Variants in SCNN1D observed in about 807,000 individuals in gnomAD.
The protein encoded by SCNN1D is sodium channel epithelial 1 subunit delta, also known as epithelial sodium channel subunit delta.
In SCNN1D, 104 loss-of-function variants were observed where a neutral mutation model predicts 87.8. The ratio of observed to expected loss-of-function variants is 1.18; its 90% confidence interval spans 1.01 to 1.39. SCNN1D has a LOEUF of 1.39. Among genes scored for constraint, SCNN1D ranks in the 40% most tolerant of loss-of-function variants. The pLI is 0.00. For missense variants in SCNN1D, 1,324 were observed against 1,093.9 expected (o/e 1.21, Z -2.97); for synonymous variants, 628 against 481.2 (o/e 1.31, Z -3.99).
rs113921179 is a variant in SCNN1D, at chr1:1,285,442, G to A, written c.465-129G>A. 3,953 of 613,746 alleles carry A rather than the reference G, an allele frequency of 6.4e-3. 125 individuals are homozygous for A. The African/African-American group carries it at 0.066, about 10-fold the overall frequency. The allele number at this position is 613,746 out of a possible 1,614,324, so 38.0% of individuals were successfully genotyped here. A position where few individuals can be genotyped will look rare whatever the true frequency, so the allele number is the denominator to read the frequency against. ...TTGGCTGGATGGGCCTGGCACAGTC[G>A]GTCCTCAGCAGGCCACACTGGGGGC... On this transcript the variant is annotated intron_variant, in intron 5 of 17. Transcript: ENST00000379116.
Position 1,286,580 on chromosome 1 carries a change from G to T in SCNN1D, c.912-188G>T, listed in dbSNP as rs369417686. Reference sequence around the variant, plus strand: ...AAGGAGGGAAGGTGGGAGGGGCTGCGAGCGGGCTGGGCTCCGGGGCCGACC... The same window carrying T: ...AAGGAGGGAAGGTGGGAGGGGCTGCTAGCGGGCTGGGCTCCGGGGCCGACC... On this transcript the variant is annotated intron_variant, in intron 7 of 17. Transcript: ENST00000379116. 9.9e-5 allele frequency among the ~76,000 whole-genome samples: 15 copies of T among 152,248 alleles called. No individual in the cohort carries two copies. In the East Asian group the frequency reaches 1.7e-3, roughly 18 times the overall value.
chr1:1,284,493 C>T (rs892083237), intron 5 of SCNN1D, among the ~76,000 whole-genome samples: 3 of 150,690 alleles, frequency 2.0e-5, no homozygotes, highest in Admixed American at 6.6e-5. Context: ...TGTCCCATTG[C>T]GGGTACATAG....
rs750240742 is a variant in SCNN1D, at chr1:1,285,591, C to T, written c.485C>T (p.Pro162Leu). 4 of 1,541,084 alleles carry T rather than the reference C, an allele frequency of 2.6e-6. No homozygotes were observed. Among genetic ancestry groups the T allele is most frequent in the Non-Finnish European group, 3.5e-6 (4 of 1,142,386 alleles). The change falls in exon 6 of 18, where the codon CCC becomes CTC. Residue 162 changes from proline to leucine, a missense_variant. Physicochemically the swap from Pro to Leu is moderately conservative, Grantham distance 98. Transcript: ENST00000379116. ...GGTAGATCGCCTGGGCCTGTGGCTC[C>T]CCAGAGGCCCTGCCACCTGAAGGGA... ...LTSRSPGPVA[P>L]QRPCHLKGWQ...
chr1:1,284,672 C>T (rs183144231), intron 5 of SCNN1D, among the ~76,000 whole-genome samples: 171 of 152,096 alleles, frequency 1.1e-3, no homozygotes, highest in African/African-American at 3.9e-3. Flanking sequence ...GGGTGCATAG[C>T]GTGTGCTGGA....
Position 1,290,561 on chromosome 1 carries a change from A to G in SCNN1D, c.1859+6A>G. On this transcript the variant is annotated splice_donor_region_variant and intron_variant, in intron 14 of 17. Transcript: ENST00000379116. ...CGCTGCCCCAGGCCCTGCAGGTGAG[A>G]CGGGGGTGTTGGGGTCGCGGCCAGG... 1.2e-6 allele frequency: 2 copies of G among 1,612,576 alleles called. No homozygotes were observed. The highest frequency in any genetic ancestry group is 1.7e-6 in the Non-Finnish European group (2 of 1,179,848).
In SCNN1D at chr1:1,290,960, G is replaced by T; in HGVS notation, c.1976+7G>T. The stretch of plus-strand genomic sequence containing the variant: ...ATCAGAGCCACAGACAGAGGTGGGT[G>T]CACCCTCCCCCTCCAGAGAGGCATC... On this transcript the variant is annotated splice_region_variant and intron_variant, in intron 16 of 17. Transcript: ENST00000379116. 6.2e-7 allele frequency: 1 copy of T among 1,605,314 alleles called. No individual in the cohort carries two copies. Among genetic ancestry groups the T allele is most frequent in the Non-Finnish European group, 8.5e-7 (1 of 1,176,458 alleles).
chr1:1,288,017 AAC>A lies in SCNN1D; in HGVS notation c.1645_1646del (p.Thr549LeufsTer34). Reference protein sequence around the residue: ...GEGVEVELLHNTSYTRQACLV... With the variant: ...GEGVEVELLHXTSYTRQACLV... ...AGGCGTGGAGGTGGAGCTGCTACAC[AAC>A]ACCTCCTACACCAGGCAGGTGAGGC... On this transcript the variant is annotated frameshift_variant, in exon 12 of 18. Transcript: ENST00000379116. LOFTEE classifies it high-confidence loss of function. The A allele has an allele frequency of 6.5e-7, 1 of 1,540,744 alleles. No homozygotes were observed. Among genetic ancestry groups the A allele is most frequent in the Non-Finnish European group, 8.7e-7 (1 of 1,143,338 alleles).
rs1640464844 is a variant in SCNN1D at position 1,281,271 on chromosome 1, G to A, written c.51G>A (p.Trp17Ter). The change falls in exon 2 of 18, where the codon TGG (tryptophan) becomes TGA (stop). Residue 17 changes from tryptophan to a stop codon, truncating the protein, a stop_gained. Coordinates refer to ENST00000379116, the MANE Select transcript of SCNN1D (RefSeq NM_001130413.4). LOFTEE classifies it high-confidence loss of function. Reference protein sequence around the residue: ...QKTTPLPRYLWPGHLSGPRRL... With the variant: ...QKTTPLPRYL The stretch of plus-strand genomic sequence containing the variant: ...CAACACCGCTCCCTCGTTACCTGTG[G>A]CCCGGCCACCTCAGCGGCCCAAGGA... The A allele has an allele frequency of 6.5e-7, 1 of 1,535,686 alleles. No individual in the cohort carries two copies. The highest frequency in any genetic ancestry group is 2.0e-5 in the Admixed American group (1 of 50,982).
chr1:1,291,675 C>A lies in SCNN1D; in HGVS notation c.*65C>A. 2 of 1,301,714 alleles carry A rather than the reference C, an allele frequency of 1.5e-6. No individual in the cohort carries two copies. Among genetic ancestry groups the A allele is most frequent in the Non-Finnish European group, 2.1e-6 (2 of 962,276 alleles). The allele number at this position is 1,301,714 out of a possible 1,614,324, so 80.6% of individuals were successfully genotyped here. A position where few individuals can be genotyped will look rare whatever the true frequency, so the allele number is the denominator to read the frequency against. On this transcript the variant is annotated 3_prime_UTR_variant, in exon 18 of 18. Transcript: ENST00000379116. The stretch of plus-strand genomic sequence containing the variant: ...CTTGCAGCTGTGGCAGCAGCAGGCT[C>A]CCCAGCGGCCCAGGGTGGGCCAGAC...
Position 1,290,218 on chromosome 1 carries a change from T to TC in SCNN1D, c.1663-48dup, listed in dbSNP as rs529727704. 4 of 1,323,484 alleles carry TC rather than the reference T, an allele frequency of 3.0e-6. No individual in the cohort carries two copies. The African/African-American group carries it at 6.0e-5, about 20-fold the overall frequency. The allele number at this position is 1,323,484 out of a possible 1,614,324, so 82.0% of individuals were successfully genotyped here. A position where few individuals can be genotyped will look rare whatever the true frequency, so the allele number is the denominator to read the frequency against. On this transcript the variant is annotated intron_variant, in intron 12 of 17. Transcript: ENST00000379116. The stretch of plus-strand genomic sequence containing the variant: ...TGCTCCGTCCCGTGTCTCTGCCCCG[T>TC]CCCCCATGTCTCCGCTCCATCCCAT...
At chr1:1,290,741 C>A (rs762721104) in intron 15 of SCNN1D, 47 bp downstream of exon 15, 10 of 1,605,224 alleles carry the variant, frequency 6.2e-6, no homozygotes. Flanking sequence ...GCCAGGCAGA[C>A]CCCACAGGTC....
Position 1,282,347 on chromosome 1 carries a change from C to T in SCNN1D, c.351+32C>T. 4 of 1,549,006 alleles carry T rather than the reference C, an allele frequency of 2.6e-6. No individual in the cohort carries two copies. The Admixed American group carries it at 5.9e-5, about 23-fold the overall frequency. Reference sequence around the variant, plus strand: ...GACCTCACCCTCCTCAGAGCCATGGCTCTGCTGCTGGACCCTGTGGGGCTG... The same window carrying T: ...GACCTCACCCTCCTCAGAGCCATGGTTCTGCTGCTGGACCCTGTGGGGCTG... On this transcript the variant is annotated intron_variant, in intron 4 of 17. Transcript: ENST00000379116.
intron 15 of SCNN1D, 25 bp from the exon 16 acceptor site, chr1:1,290,870 G>A (rs1472583458): frequency 6.2e-7 from 1 of 1,608,106 alleles, no homozygotes; most frequent in African/African-American, 1.3e-5. Flanking sequence ...GGGAGCCGTG[G>A]CCACAGCAAA....
At chr1:1,290,731 G>T in intron 15 of SCNN1D, 37 bp downstream of exon 15, 1 of 1,610,402 alleles carries the variant, frequency 6.2e-7, no homozygotes. Context: ...GGTGTGGACA[G>T]CCAGGCAGAC....
At chr1:1,287,618 G>A in intron 10 of SCNN1D, 22 bp downstream of exon 10, 4 of 1,609,630 alleles carry the variant, frequency 2.5e-6, no homozygotes, top group Non-Finnish European at 3.4e-6. Flanking sequence ...CCCCTGGCCG[G>A]TGCGGGGGCA....
At chr1:1,290,024 GTC>G (rs1402165001) in intron 12 of SCNN1D, among the ~76,000 whole-genome samples, 1 of 78,272 alleles carries the variant, frequency 1.3e-5, no homozygotes. Context: ...TCCGTCCCGT[GTC>G]TCTGCTCCGT....
At chr1:1,287,858 A>G in intron 11 of SCNN1D, 22 bp downstream of exon 11, 3 of 1,521,348 alleles carry the variant, frequency 2.0e-6, no homozygotes, top group Non-Finnish European at 2.7e-6. Context: ...TCTGCAGCCA[A>G]CCTCCGGCCC....
rs372307827 is a variant in SCNN1D at position 1,287,986 on chromosome 1, C to T, written c.1611C>T (p.Gly537=). 210 of 1,544,066 alleles carry T rather than the reference C, an allele frequency of 1.4e-4. No individual in the cohort carries two copies. The highest frequency in any genetic ancestry group is 3.8e-4 in the Admixed American group (19 of 50,662). ...GCCCCTACGGCCACTGCACCGCCGG[C>T]GGGGAAGGCGTGGAGGTGGAGCTGC... is the stretch of plus-strand genomic sequence containing the variant. The part of the protein sequence containing the change: ...LGSPYGHCTA[G]GEGVEVELLH... The change falls in exon 12 of 18, where the codon GGC becomes GGT. Residue 537 remains glycine (G), a synonymous_variant. Coordinates refer to ENST00000379116, the MANE Select transcript of SCNN1D (RefSeq NM_001130413.4).
chr1:1,282,128 C>A (rs1196480736), intron 3 of SCNN1D, 114 bp from the exon 4 acceptor site: 22 of 675,484 alleles, frequency 3.3e-5, no homozygotes, highest in Non-Finnish European at 5.7e-5. Flanking sequence ...AAGCCCCCTG[C>A]CGCGAGCTTG....
Sources: allele counts gnomAD v4.1 joint callset (sites outside exome capture counted in the v4.1 genomes callset), GRCh38; gene constraint gnomAD v4.1.1; transcripts MANE v1.5; gene names NCBI Gene and HGNC (gene_info 2026-07-23, HGNC 2026-07-21).